SYNJ1: variants seen among roughly 807,000 people sequenced by gnomAD.
SYNJ1 encodes the protein polyphosphatidylinositol phosphatase SYNJ1.
A neutral mutation model predicts 168.2 loss-of-function variants in SYNJ1; 78 were observed. The ratio of observed to expected loss-of-function variants is 0.46; its 90% CI spans 0.39 to 0.56. SYNJ1 has a LOEUF of 0.56. Among genes scored for constraint, SYNJ1 ranks in the 20% least tolerant of loss-of-function variants. SYNJ1 has a pLI of 0.00. For missense variants in SYNJ1, 1,303 were observed against 1,597.6 expected, an observed-to-expected ratio of 0.82 and a Z score of 3.14; for synonymous variants, 539 against 548.6, an observed-to-expected ratio of 0.98 and a Z score of 0.24.
intron 2 of SYNJ1, among the ~76,000 whole-genome samples, chr21:32,710,256 G>A (rs937677560): frequency 1.3e-5 from 2 of 151,970 alleles, no homozygotes; most frequent in African/African-American, 4.8e-5. Context: ...GAGATAGTAG[G>A]TAGAAATATA....
chr21:32,663,356 C>T (rs1020062785), intron 18 of SYNJ1, among the ~76,000 whole-genome samples: 7 of 152,226 alleles, frequency 4.6e-5, no homozygotes, highest in East Asian at 1.9e-4. Context: ...AAAACAGTCA[C>T]TTGGTGGAGT....
rs116069016 is a variant in SYNJ1, at chr21:32,686,507, G to A, written c.948+471C>T. Among the ~76,000 whole-genome samples the A allele has an allele frequency of 1.2e-3, 179 of 152,050 alleles. 1 individual carries two copies. Among genetic ancestry groups the A allele is most frequent in the African/African-American group, 4.1e-3 (172 of 41,468 alleles). On this transcript the variant is annotated intron_variant, in intron 8 of 32. Coordinates refer to ENST00000674351, the MANE Select transcript of SYNJ1 (RefSeq NM_203446.3). ...TTTCTTTAGAAGTCAGGCAATTTTGGGGTTCTTTTTGACATGAAATTCTCA... is the reference window on the plus strand; with the variant it reads ...TTTCTTTAGAAGTCAGGCAATTTTGAGGTTCTTTTTGACATGAAATTCTCA...
In SYNJ1 at chr21:32,666,652, C is replaced by A. The variant is rs1421772817; in HGVS notation, c.1812-79G>T. ...ATTTTATGACAATTGTCAATTATAC[C>A]TTTATCTACCCAAATATCCTAAGAC... On this transcript the variant is annotated intron_variant, in intron 15 of 32. Coordinates refer to ENST00000674351, the MANE Select transcript of SYNJ1 (RefSeq NM_203446.3). The A allele has an allele frequency of 3.5e-6, 5 of 1,410,502 alleles. No individual in the cohort carries two copies. In the African/African-American group the frequency reaches 4.3e-5, roughly 12 times the overall value. The allele number at this position is 1,410,502 out of a possible 1,614,324, so 87.4% of individuals were successfully genotyped here.
chr21:32,639,716 T>C lies in SYNJ1; in HGVS notation c.3652A>G (p.Arg1218Gly), dbSNP rs139146760. 2.5e-6 allele frequency: 4 copies of C among 1,614,052 alleles called. No homozygotes were observed. In the African/African-American group the frequency reaches 5.3e-5, roughly 22 times the overall value. ...PQSHARASAG[R>G]LTPESQSKTS... is the part of the protein sequence containing the mutation. ...TTGCTTTGGCTTTCAGGAGTCAGTC[T>C]TCCAGCAGATGCCCGCGCGTGGCTC... The change falls in exon 30 of 33, where the codon AGA (arginine) becomes GGA (glycine). Residue 1218 changes from arginine (R) to glycine (G), a missense_variant. By Grantham distance (125) the Arg-to-Gly change is moderately radical. Around this residue, in one of 2 missense-constraint regions of SYNJ1, gnomAD observed 383 missense variants for 388.8 expected, o/e 0.99. Coordinates refer to ENST00000674351, the MANE Select transcript of SYNJ1 (RefSeq NM_203446.3).
At position 32,645,021 on chromosome 21, in the gene SYNJ1, G is replaced by A. The variant is rs1400177630; in HGVS notation, c.3392-15C>T. 6.3e-7 allele frequency: 1 copy of A among 1,596,376 alleles called. No homozygotes were observed. Among genetic ancestry groups the A allele is most frequent in the African/African-American group, 1.4e-5 (1 of 74,030 alleles). ...ACTCCTAGCCCCTTATAGTTCATAA[G>A]AAAATAGGCAGCAGAAAGGAAATGA... On this transcript the variant is annotated splice_polypyrimidine_tract_variant and intron_variant, in intron 25 of 32. Transcript: ENST00000674351.
In SYNJ1 at chr21:32,673,507, A is replaced by G. The variant is rs781147009; in HGVS notation, c.1559T>C (p.Met520Thr). The change falls in exon 14 of 33, where the codon ATG becomes ACG. Residue 520 changes from methionine to threonine, a missense_variant. By Grantham distance (81) the Met-to-Thr change is moderately conservative. Transcript: ENST00000674351. ...QSASSKVLKSMCENFYKYSKP... is the reference protein window; with the variant it reads ...QSASSKVLKSTCENFYKYSKP... ...TGAATATTTGTAGAAATTCTCACACATGCTCTTTAGTACTTTAGAAGATGC... is the reference window on the plus strand; with the variant it reads ...TGAATATTTGTAGAAATTCTCACACGTGCTCTTTAGTACTTTAGAAGATGC... 21 of 1,613,116 alleles carry G rather than the reference A, an allele frequency of 1.3e-5. 1 individual carries two copies. In the South Asian group the frequency reaches 1.5e-4, roughly 12 times the overall value.
At chr21:32,718,981 A>G (rs1048741665) in intron 2 of SYNJ1, among the ~76,000 whole-genome samples, 17 of 152,226 alleles carry the variant, frequency 1.1e-4, no homozygotes, top group Admixed American at 8.5e-4. Flanking sequence ...TAGCCTCACA[A>G]CAGCACAAAC....
chr21:32,718,641 T>A (rs1055787555), intron 2 of SYNJ1, among the ~76,000 whole-genome samples: 2 of 152,040 alleles, frequency 1.3e-5, no homozygotes, highest in East Asian at 3.9e-4. Context: ...AGGGCAATCA[T>A]GTTGACAGCG....
At chr21:32,694,954 G>C (rs775714963) in intron 5 of SYNJ1, 103 bp downstream of exon 5, 40 of 1,172,640 alleles carry the variant, frequency 3.4e-5, no homozygotes, top group Non-Finnish European at 4.4e-5. Flanking sequence ...AAACATTATA[G>C]ATGTTAAAAT....
chr21:32,684,245 C>G (rs1290986820), intron 9 of SYNJ1, 126 bp from the exon 10 acceptor site: 3 of 761,316 alleles, frequency 3.9e-6, no homozygotes, highest in East Asian at 2.8e-5. Context: ...TTACAGTATT[C>G]AAATATACAA....
At chr21:32,704,328 C>T (rs2042523718) in intron 2 of SYNJ1, among the ~76,000 whole-genome samples, 1 of 152,146 alleles carries the variant, frequency 6.6e-6, no homozygotes, top group Admixed American at 6.5e-5. Flanking sequence ...ACTCTTAGAG[C>T]CAAAGGTACT....
intron 14 of SYNJ1, among the ~76,000 whole-genome samples, chr21:32,672,067 A>AAAAAAAAAAAAAAAAAAT (rs2041219176): frequency 6.8e-6 from 1 of 146,622 alleles, no homozygotes; most frequent in Admixed American, 6.8e-5. Context: ...CTCAAAAAAA[A>AAAAAAAAAAAAAAAAAAT]AAAAAAAAAA....
rs747531071 is a variant in SYNJ1 at position 32,653,347 on chromosome 21, A to G, written c.2815T>C (p.Trp939Arg). The G allele has an allele frequency of 6.2e-7, 1 of 1,613,320 alleles. No homozygotes were observed. Among genetic ancestry groups the G allele is most frequent in the Non-Finnish European group, 8.5e-7 (1 of 1,179,324 alleles). ...ILIRFVEDKM[W>R]VTFLEGSSAL... ...GAGCTTCCCTCCAAAAATGTAACCCACATTTTATCTTCTACAAATCTTTAA... is the reference window on the plus strand; with the variant it reads ...GAGCTTCCCTCCAAAAATGTAACCCGCATTTTATCTTCTACAAATCTTTAA... Residue 939 changes from tryptophan to arginine, a missense_variant, in exon 22 of 33, where the codon TGG (tryptophan) becomes CGG (arginine). Transcript: ENST00000674351.
At chr21:32,696,606 T>C (rs2042221679) in intron 4 of SYNJ1, among the ~76,000 whole-genome samples, 2 of 152,202 alleles carry the variant, frequency 1.3e-5, no homozygotes, top group South Asian at 2.1e-4. Context: ...CTTGACTCTT[T>C]AGGTTTTAAG....
chr21:32,668,393 A>G lies in SYNJ1; in HGVS notation c.1812-1820T>C, dbSNP rs573161033. Among the ~76,000 whole-genome samples, 4 of 152,286 alleles carry G rather than the reference A, an allele frequency of 2.6e-5. No individual in the cohort carries two copies. The East Asian group carries it at 7.7e-4, about 29-fold the overall frequency. On this transcript the variant is annotated intron_variant, in intron 15 of 32. Coordinates refer to ENST00000674351, the MANE Select transcript of SYNJ1 (RefSeq NM_203446.3). Reference sequence around the variant, plus strand: ...TAAAGAATTTGATTAAACCTAGCCTAAAGAAGAATTTGATTAAACTCTATT... The same window carrying G: ...TAAAGAATTTGATTAAACCTAGCCTGAAGAAGAATTTGATTAAACTCTATT...
At chr21:32,680,610 G>T (rs2146038815) in intron 11 of SYNJ1, among the ~76,000 whole-genome samples, 1 of 151,924 alleles carries the variant, frequency 6.6e-6, no homozygotes, top group South Asian at 2.1e-4. Context: ...TTATAATTAA[G>T]TCCATTCTTT....
intron 23 of SYNJ1, 50 bp downstream of exon 23, chr21:32,650,134 A>C: frequency 6.5e-7 from 1 of 1,542,210 alleles, no homozygotes. Context: ...TACAGATTGG[A>C]AGAAAACATA....
chr21:32,720,278 T>C (rs544230005), intron 2 of SYNJ1, among the ~76,000 whole-genome samples: 17 of 152,070 alleles, frequency 1.1e-4, no homozygotes, highest in Non-Finnish European at 1.9e-4. Flanking sequence ...CTTAATGAGA[T>C]AATAAGGTCA....
rs1179101896 is a variant in SYNJ1, at chr21:32,639,792, A to T, written c.3589-13T>A. ...GAGGAGGAATCGTCTACAGATAGGA[A>T]ACATAACACTTGAGACATTTACTTA... On this transcript the variant is annotated splice_polypyrimidine_tract_variant and intron_variant, in intron 29 of 32. Coordinates refer to ENST00000674351, the MANE Select transcript of SYNJ1 (RefSeq NM_203446.3). 2 of 1,606,136 alleles carry T rather than the reference A, an allele frequency of 1.2e-6. No individual in the cohort carries two copies. Among genetic ancestry groups the T allele is most frequent in the African/African-American group, 2.7e-5 (2 of 74,886 alleles).
Sources: allele counts gnomAD v4.1 joint callset (sites outside exome capture counted in the v4.1 genomes callset), GRCh38; gene constraint gnomAD v4.1.1; regional missense constraint gnomAD v4.1.1; transcripts MANE v1.5; gene names NCBI Gene and HGNC (gene_info 2026-07-23, HGNC 2026-07-21).